Variants in CSMD1 observed in about 807,000 individuals in gnomAD.
The protein encoded by CSMD1 is CUB and sushi domain-containing protein 1.
Under a neutral mutation model 417.5 loss-of-function variants are expected in CSMD1, and 213 were observed. The ratio of observed to expected loss-of-function variants is 0.51; its 90% CI spans 0.46 to 0.57. The LOEUF (loss-of-function observed/expected upper bound fraction) is 0.57, where lower values mean the gene tolerates loss of function less well. Ranked by LOEUF, CSMD1 falls within the 20% of genes least tolerant of loss-of-function variation. The pLI, the probability that CSMD1 is intolerant of heterozygous loss-of-function variation, is 0.00. For missense variants in CSMD1, 6,923 were observed against 4,529.7 expected (o/e 1.53, Z -15.17); for synonymous variants, 2,862 against 1,736.8 (o/e 1.65, Z -16.11).
intron 10 of CSMD1, among the ~76,000 whole-genome samples, chr8:3,506,783 T>A (rs1205758298): frequency 1.3e-5 from 2 of 152,228 alleles, no homozygotes; most frequent in Non-Finnish European, 2.9e-5. Flanking sequence ...GGCAGTGATT[T>A]ACTTCCTCCA....
At chr8:3,766,458 C>T (rs1190594875) in intron 5 of CSMD1, among the ~76,000 whole-genome samples, 1 of 152,144 alleles carries the variant, frequency 6.6e-6, no homozygotes, top group Non-Finnish European at 1.5e-5. Context: ...TGAAGACAGG[C>T]CTCTCAGGCT....
At chr8:4,037,034 G>A (rs1306996691) in intron 3 of CSMD1, among the ~76,000 whole-genome samples, 1 of 151,808 alleles carries the variant, frequency 6.6e-6, no homozygotes, top group African/African-American at 2.4e-5. Flanking sequence ...CAGGGCTGGT[G>A]ACCACCTGGC....
At chr8:4,053,805 C>T (rs1177018250) in intron 3 of CSMD1, among the ~76,000 whole-genome samples, 2 of 151,986 alleles carry the variant, frequency 1.3e-5, no homozygotes, top group African/African-American at 4.8e-5. Flanking sequence ...TGTTTAAATG[C>T]CTAAAGCTTT....
chr8:3,772,364 C>CATATATACATATATACATATATTT (rs1554430788), intron 5 of CSMD1, among the ~76,000 whole-genome samples: 16,639 of 106,900 alleles, frequency 0.16, 4,590 homozygotes, highest in Non-Finnish European at 0.24. Context: ...TTTATATATA[C>CATATATACATATATACATATATTT]ATATATACAT....
In CSMD1 at chr8:3,413,513, C is replaced by T. The variant is rs114647626; in HGVS notation, c.1562-3908G>A. ...TTGACAAGTAACTGTCAAAGTAGCACGGTCCAAACTCAGTAGGTTTGTGTG... is the reference window on the plus strand; with the variant it reads ...TTGACAAGTAACTGTCAAAGTAGCATGGTCCAAACTCAGTAGGTTTGTGTG... On this transcript the variant is annotated intron_variant, in intron 12 of 69. Transcript: ENST00000635120. 5.5e-3 allele frequency among the ~76,000 whole-genome samples: 841 copies of T among 152,264 alleles called. 7 individuals carry two copies. The highest frequency in any genetic ancestry group is 0.019 in the African/African-American group (789 of 41,550).
At chr8:4,408,797 G>C (rs901633054) in intron 3 of CSMD1, among the ~76,000 whole-genome samples, 3 of 151,516 alleles carry the variant, frequency 2.0e-5, no homozygotes, top group African/African-American at 4.9e-5. Flanking sequence ...TCCATTTAAA[G>C]AAAAAAAATA....
intron 36 of CSMD1, chr8:3,182,842 G>GGA (rs61154223): frequency 3.3e-5 from 1 of 30,646 alleles, no homozygotes; most frequent in Non-Finnish European, 6.8e-5. Flanking sequence ...TTATAAGAAG[G>GGA]TGTGTGTGTG....
chr8:4,104,226 G>T lies in CSMD1; in HGVS notation c.416-72127C>A, dbSNP rs147213362. Reference sequence around the variant, plus strand: ...GTGTGTGTGAATGTACGTGAGTGCGGATACACATAGAGACATAGATACATA... The same window carrying T: ...GTGTGTGTGAATGTACGTGAGTGCGTATACACATAGAGACATAGATACATA... On this transcript the variant is annotated intron_variant, in intron 3 of 69. Coordinates refer to ENST00000635120, the MANE Select transcript of CSMD1 (RefSeq NM_033225.6). 9.8e-5 allele frequency among the ~76,000 whole-genome samples: 15 copies of T among 152,306 alleles called. No individual in the cohort carries two copies. In the East Asian group the frequency reaches 2.9e-3, roughly 29 times the overall value.
intron 2 of CSMD1, among the ~76,000 whole-genome samples, chr8:4,479,540 A>C (rs1417449546): frequency 6.6e-6 from 1 of 152,148 alleles, no homozygotes; most frequent in Non-Finnish European, 1.5e-5. Flanking sequence ...CTCATTGATC[A>C]CTCGTTTCAC....
At chr8:4,212,212 T>C (rs1211166168) in intron 3 of CSMD1, among the ~76,000 whole-genome samples, 1 of 150,670 alleles carries the variant, frequency 6.6e-6, no homozygotes, top group Non-Finnish European at 1.5e-5. Context: ...CTCTCCATGT[T>C]GTTTTAACTT....
chr8:3,647,018 T>C (rs1797610028), intron 7 of CSMD1, among the ~76,000 whole-genome samples: 1 of 152,206 alleles, frequency 6.6e-6, no homozygotes, highest in South Asian at 2.1e-4. Context: ...TCTCAGCAGC[T>C]CTTTCCTGCC....
intron 52 of CSMD1, among the ~76,000 whole-genome samples, chr8:3,011,571 T>G (rs1808384625): frequency 6.6e-6 from 1 of 152,138 alleles, no homozygotes; most frequent in Non-Finnish European, 1.5e-5. Context: ...ACAGAACAAT[T>G]CATCTCCTCA....
intron 49 of CSMD1, among the ~76,000 whole-genome samples, chr8:3,065,386 A>T (rs527924494): frequency 4.6e-5 from 7 of 152,224 alleles, no homozygotes; most frequent in Non-Finnish European, 7.4e-5. Context: ...CAAAAGAAAG[A>T]TAGAAAGGTA....
At chr8:3,535,272 A>G (rs532360099) in intron 10 of CSMD1, among the ~76,000 whole-genome samples, 2 of 152,304 alleles carry the variant, frequency 1.3e-5, no homozygotes, top group East Asian at 3.9e-4. Flanking sequence ...AGCTAATGAC[A>G]GACGACACTG....
intron 3 of CSMD1, among the ~76,000 whole-genome samples, chr8:4,395,375 A>G (rs549498284): frequency 2.6e-5 from 4 of 152,298 alleles, no homozygotes; most frequent in South Asian, 4.1e-4. Context: ...AGTAGTCCCA[A>G]TATCTGGTCC....
At chr8:3,102,697 G>A (rs1815845116) in intron 46 of CSMD1, among the ~76,000 whole-genome samples, 1 of 152,290 alleles carries the variant, frequency 6.6e-6, no homozygotes. Context: ...TACTAACGGA[G>A]TGTTTCAGTT....
chr8:4,796,778 T>C (rs1356889179), intron 1 of CSMD1, among the ~76,000 whole-genome samples: 2 of 152,196 alleles, frequency 1.3e-5, no homozygotes, highest in South Asian at 2.1e-4. Flanking sequence ...CCTTCCCCTT[T>C]TGCAATCACG....
chr8:3,816,225 G>T (rs948735583), intron 5 of CSMD1, among the ~76,000 whole-genome samples: 2 of 152,116 alleles, frequency 1.3e-5, no homozygotes, highest in Non-Finnish European at 2.9e-5. Flanking sequence ...AGAAGGGCAC[G>T]TGTTATATTC....
intron 2 of CSMD1, among the ~76,000 whole-genome samples, chr8:4,534,904 A>G (rs531771022): frequency 6.6e-6 from 1 of 152,104 alleles, no homozygotes; most frequent in Non-Finnish European, 1.5e-5. Context: ...CTGGGACTAC[A>G]GGTGCCTGCC....
Sources: gnomAD v4.1 joint callset for allele counts (sites outside exome capture counted in the v4.1 genomes callset) on GRCh38, gnomAD v4.1.1 for gene constraint, MANE v1.5 for transcripts, NCBI Gene and HGNC (gene_info 2026-07-23, HGNC 2026-07-21) for gene names.